LUZP2: variants seen among roughly 807,000 people sequenced by gnomAD.
LUZP2 encodes the protein leucine zipper protein 2.
LUZP2 carries 52 observed loss-of-function variants against 51.6 expected under a neutral mutation model. That is an observed-to-expected ratio of 1.01 (90% CI 0.81 to 1.27). The LOEUF (loss-of-function observed/expected upper bound fraction) is 1.27. Among genes scored for constraint, LUZP2 ranks in the 50% most tolerant of loss-of-function variants. The probability of loss-of-function intolerance (pLI) is 0.00; values close to 1 mark genes in which losing one functional copy is unlikely to be tolerated. For synonymous variants in LUZP2, 154 were observed against 137.3 expected (o/e 1.12, Z -0.85); for missense variants, 436 against 395.4 (o/e 1.10, Z -0.87).
chr11:24,734,985 C>A (rs1332304767), intron 3 of LUZP2, among the ~76,000 whole-genome samples: 5 of 151,830 alleles, frequency 3.3e-5, no homozygotes, highest in Admixed American at 2.6e-4. Flanking sequence ...CTGGTCATAG[C>A]TGATGATTCA....
intron 7 of LUZP2, among the ~76,000 whole-genome samples, chr11:24,948,365 T>A (rs1415143367): frequency 4.3e-5 from 6 of 140,618 alleles, no homozygotes; most frequent in Non-Finnish European, 9.4e-5. Flanking sequence ...TTCTTTAGTA[T>A]TTTGAACATA....
At chr11:24,912,343 C>A (rs1432006752) in intron 6 of LUZP2, among the ~76,000 whole-genome samples, 1 of 151,822 alleles carries the variant, frequency 6.6e-6, no homozygotes, top group Non-Finnish European at 1.5e-5. Flanking sequence ...ATAGAAATAT[C>A]TGTGAAAAAA....
At chr11:24,885,378 C>T (rs1041068961) in intron 5 of LUZP2, among the ~76,000 whole-genome samples, 8 of 152,024 alleles carry the variant, frequency 5.3e-5, no homozygotes, top group African/African-American at 7.2e-5. Flanking sequence ...TACAACCACC[C>T]GTTGAAGTTG....
intron 5 of LUZP2, among the ~76,000 whole-genome samples, chr11:24,861,590 T>C (rs567680989): frequency 6.6e-6 from 1 of 152,184 alleles, no homozygotes; most frequent in Non-Finnish European, 1.5e-5. Flanking sequence ...GAGCAACAGA[T>C]GAAAGGAGTA....
At position 24,974,815 on chromosome 11, in the gene LUZP2, C is replaced by A. The variant is rs150147357; in HGVS notation, c.523-1776C>A. 9.4e-4 allele frequency among the ~76,000 whole-genome samples: 143 copies of A among 151,884 alleles called. 4 individuals are homozygous for A. The East Asian group carries it at 0.026, about 28-fold the overall frequency. ...GAGGTAAAAATAAGGCCAGTATATC[C>A]AAAGCATATTGAGCAAGGGGCAAGT... is the stretch of plus-strand genomic sequence containing the variant. On this transcript the variant is annotated intron_variant, in intron 7 of 11. Coordinates refer to ENST00000336930, the MANE Select transcript of LUZP2 (RefSeq NM_001009909.4).
intron 4 of LUZP2, among the ~76,000 whole-genome samples, chr11:24,751,706 A>AT (rs1859594940): frequency 2.7e-5 from 4 of 147,918 alleles, no homozygotes; most frequent in East Asian, 1.9e-4. Flanking sequence ...GCAATTGAAA[A>AT]TTAAAAAAAA....
At chr11:24,786,569 TAATATATAA>T in intron 5 of LUZP2, 1 of 338,500 alleles carries the variant, frequency 3.0e-6, no homozygotes, top group Non-Finnish European at 4.1e-6. Context: ...TATAATTATA[TAATATATAA>T]AATATATATT....
At chr11:24,849,096 A>G (rs748998998) in intron 5 of LUZP2, among the ~76,000 whole-genome samples, 2 of 151,186 alleles carry the variant, frequency 1.3e-5, no homozygotes, top group Non-Finnish European at 2.9e-5. Context: ...AATATTATTA[A>G]AAATTAGTTT....
chr11:24,579,225 T>C (rs1475852857), intron 1 of LUZP2, among the ~76,000 whole-genome samples: 1 of 152,136 alleles, frequency 6.6e-6, no homozygotes, highest in African/African-American at 2.4e-5. Context: ...TTTATTTTCC[T>C]TTATAACTAA....
chr11:25,008,855 C>A (rs1856906617), intron 9 of LUZP2, among the ~76,000 whole-genome samples: 1 of 152,020 alleles, frequency 6.6e-6, no homozygotes, highest in Non-Finnish European at 1.5e-5. Context: ...GCTGATTGGC[C>A]CATGGGCGGG....
chr11:24,717,973 C>G (rs958069747), intron 1 of LUZP2, among the ~76,000 whole-genome samples: 2 of 152,142 alleles, frequency 1.3e-5, no homozygotes, highest in African/African-American at 4.8e-5. Context: ...TTGTACCACA[C>G]TTTCGTTATC....
chr11:24,566,195 GT>G (rs1852206523), intron 1 of LUZP2, among the ~76,000 whole-genome samples: 1 of 151,332 alleles, frequency 6.6e-6, no homozygotes, highest in African/African-American at 2.4e-5. Flanking sequence ...TTAGAAATAC[GT>G]TAATATAACC....
chr11:24,575,206 G>T (rs1852604386), intron 1 of LUZP2, among the ~76,000 whole-genome samples: 1 of 151,968 alleles, frequency 6.6e-6, no homozygotes, highest in Non-Finnish European at 1.5e-5. Context: ...GAAAGAAAAA[G>T]GACAGAAGAA....
chr11:24,754,787 A>T (rs1166953191), intron 4 of LUZP2, among the ~76,000 whole-genome samples: 3 of 152,094 alleles, frequency 2.0e-5, no homozygotes, highest in South Asian at 2.1e-4. Flanking sequence ...ATCTGCAATT[A>T]CTCAGTAGTG....
At chr11:25,055,870 G>T (rs946043616) in intron 10 of LUZP2, among the ~76,000 whole-genome samples, 9 of 152,068 alleles carry the variant, frequency 5.9e-5, no homozygotes, top group Admixed American at 5.2e-4. Context: ...CTGAAAAAGA[G>T]AGATAAATAT....
intron 5 of LUZP2, among the ~76,000 whole-genome samples, chr11:24,832,738 A>C (rs1445726983): frequency 1.3e-5 from 2 of 152,014 alleles, no homozygotes; most frequent in African/African-American, 4.8e-5. Flanking sequence ...TGTAAGTTCT[A>C]AAAGAGAAGT....
intron 1 of LUZP2, among the ~76,000 whole-genome samples, chr11:24,623,815 C>A (rs1341365232): frequency 3.3e-5 from 5 of 152,100 alleles, no homozygotes; most frequent in Non-Finnish European, 5.9e-5. Flanking sequence ...CCACTGCACT[C>A]CAGCCTGGGC....
chr11:24,927,558 G>A (rs1854316303), intron 7 of LUZP2, among the ~76,000 whole-genome samples: 2 of 151,904 alleles, frequency 1.3e-5, no homozygotes. Flanking sequence ...TAAGTATTTG[G>A]CTTTATTTCT....
At chr11:24,947,738 G>C (rs1172977285) in intron 7 of LUZP2, among the ~76,000 whole-genome samples, 1 of 151,548 alleles carries the variant, frequency 6.6e-6, no homozygotes, top group African/African-American at 2.4e-5. Flanking sequence ...AAAATCGTTG[G>C]GTGATATCTG....
Sources: gnomAD v4.1 joint callset for allele counts (sites outside exome capture counted in the v4.1 genomes callset) on GRCh38, gnomAD v4.1.1 for gene constraint, MANE v1.5 for transcripts, NCBI Gene and HGNC (gene_info 2026-07-23, HGNC 2026-07-21) for gene names.